B3GALT1: variants seen among roughly 807,000 people sequenced by gnomAD.
The protein encoded by B3GALT1 is UDP-Gal:betaGlcNAc beta 1,3-galactosyltransferase, polypeptide 1.
Under a neutral mutation model 23.2 loss-of-function variants are expected in B3GALT1, and 10 were observed. The observed-to-expected ratio is 0.43, with a 90% CI of 0.27 to 0.73. B3GALT1 has a LOEUF of 0.73. Ranked by LOEUF, B3GALT1 falls within the 30% of genes least tolerant of loss-of-function variation. The pLI, the probability that B3GALT1 is intolerant of heterozygous loss-of-function variation, is 0.21. For missense variants in B3GALT1, 299 were observed against 405.4 expected (o/e 0.74, Z 2.25); for synonymous variants, 156 against 141.5 (o/e 1.10, Z -0.73).
intron 3 of B3GALT1, among the ~76,000 whole-genome samples, chr2:167,763,799 C>G (rs1284119966): frequency 1.3e-5 from 2 of 151,122 alleles, no homozygotes; most frequent in East Asian, 3.9e-4. Flanking sequence ...CTGGAATCAT[C>G]TCTAGCCTGT....
intron 2 of B3GALT1, among the ~76,000 whole-genome samples, chr2:167,602,075 A>G (rs1684887014): frequency 6.6e-6 from 1 of 152,210 alleles, no homozygotes; most frequent in African/African-American, 2.4e-5. Context: ...TAGGTGCTCT[A>G]ACCACAATTT....
At chr2:167,485,074 C>T (rs1006170553) in intron 1 of B3GALT1, among the ~76,000 whole-genome samples, 4 of 152,048 alleles carry the variant, frequency 2.6e-5, no homozygotes, top group Non-Finnish European at 5.9e-5. Flanking sequence ...ATGTCCAACC[C>T]CCACTTCCCA....
chr2:167,589,444 T>C (rs1684637726), intron 2 of B3GALT1, among the ~76,000 whole-genome samples: 1 of 152,162 alleles, frequency 6.6e-6, no homozygotes, highest in Admixed American at 6.5e-5. Context: ...TAATTATTCT[T>C]ACTTTCAAAT....
intron 3 of B3GALT1, among the ~76,000 whole-genome samples, chr2:167,806,869 A>T (rs190372822): frequency 1.1e-3 from 175 of 152,186 alleles, no homozygotes; most frequent in Middle Eastern, 3.4e-3. Flanking sequence ...TCTATTGATT[A>T]GAATAGTTTC....
chr2:167,826,659 C>T (rs1340239814), intron 4 of B3GALT1, among the ~76,000 whole-genome samples: 3 of 152,160 alleles, frequency 2.0e-5, no homozygotes, highest in Non-Finnish European at 4.4e-5. Context: ...GTTTATGGCA[C>T]ATATGAATCA....
intron 3 of B3GALT1, among the ~76,000 whole-genome samples, chr2:167,809,655 A>C (rs1688835630): frequency 6.6e-6 from 1 of 152,200 alleles, no homozygotes; most frequent in Admixed American, 6.5e-5. Flanking sequence ...GTTTTGTCTC[A>C]GAGGAGTACC....
chr2:167,364,871 T>C (rs1363848724), intron 1 of B3GALT1, among the ~76,000 whole-genome samples: 2 of 152,122 alleles, frequency 1.3e-5, no homozygotes, highest in Non-Finnish European at 2.9e-5. Context: ...AAAATATACA[T>C]GAGATCCTCC....
chr2:167,364,124 A>G (rs1449522807), intron 1 of B3GALT1, among the ~76,000 whole-genome samples: 1 of 136,666 alleles, frequency 7.3e-6, no homozygotes, highest in Non-Finnish European at 1.5e-5. Context: ...AGATTGTGCC[A>G]CTGCACTCCA....
At chr2:167,496,747 G>A (rs1180366705) in intron 2 of B3GALT1, among the ~76,000 whole-genome samples, 2 of 152,148 alleles carry the variant, frequency 1.3e-5, no homozygotes, top group African/African-American at 2.4e-5. Flanking sequence ...AGTCATGAAG[G>A]TAGAACCCTC....
At position 167,751,613 on chromosome 2, in the gene B3GALT1, T is replaced by C. The variant is rs533731205; in HGVS notation, c.-351-67059T>C. 9.2e-5 allele frequency among the ~76,000 whole-genome samples: 14 copies of C among 152,290 alleles called. No individual in the cohort carries two copies. The East Asian group carries it at 2.7e-3, about 29-fold the overall frequency. On this transcript the variant is annotated intron_variant, in intron 3 of 4. Coordinates refer to ENST00000392690, the MANE Select transcript of B3GALT1 (RefSeq NM_020981.4). ...AAAACAGTCAGTCCCAGCAGAGATA[T>C]TGGGCTGCCCACCAGGCACCACTTT...
At position 167,871,434 on chromosome 2, in the gene B3GALT1, A is replaced by G. The variant is rs937689406; in HGVS notation, c.*1414A>G. On this transcript the variant is annotated 3_prime_UTR_variant, in exon 5 of 5. Coordinates refer to ENST00000392690, the MANE Select transcript of B3GALT1 (RefSeq NM_020981.4). Reference sequence around the variant, plus strand: ...TAATATAAAATCTGCTGAAATAAAGATCAGCTGTGAACTATCACTGCACCT... The same window carrying G: ...TAATATAAAATCTGCTGAAATAAAGGTCAGCTGTGAACTATCACTGCACCT... 2 of 152,232 alleles carry G rather than the reference A, an allele frequency of 1.3e-5. No individual in the cohort carries two copies. Among genetic ancestry groups the G allele is most frequent in the Non-Finnish European group, 2.9e-5 (2 of 68,028 alleles). 9.4% of individuals were successfully genotyped at this position (152,232 alleles called of 1,614,324 possible).
At chr2:167,770,860 G>T (rs894317994) in intron 3 of B3GALT1, among the ~76,000 whole-genome samples, 1 of 152,130 alleles carries the variant, frequency 6.6e-6, no homozygotes, top group South Asian at 2.1e-4. Context: ...TGCCCAATTA[G>T]ATTTTTATTT....
chr2:167,524,497 A>G (rs1214133440), intron 2 of B3GALT1, among the ~76,000 whole-genome samples: 4 of 152,188 alleles, frequency 2.6e-5, no homozygotes, highest in Non-Finnish European at 5.9e-5. Context: ...AAACCTCTGA[A>G]TGTTTTGTAA....
At chr2:167,754,135 A>G (rs1687779735) in intron 3 of B3GALT1, among the ~76,000 whole-genome samples, 1 of 152,242 alleles carries the variant, frequency 6.6e-6, no homozygotes, top group African/African-American at 2.4e-5. Flanking sequence ...TTAAGAATAG[A>G]TTCCAGGGCA....
chr2:167,303,766 T>C (rs1289597382), intron 1 of B3GALT1, among the ~76,000 whole-genome samples: 2 of 151,938 alleles, frequency 1.3e-5, no homozygotes, highest in East Asian at 1.9e-4. Flanking sequence ...CCTCAGGATA[T>C]TGAGCACTAT....
intron 2 of B3GALT1, among the ~76,000 whole-genome samples, chr2:167,506,526 T>C (rs1699920752): frequency 6.6e-6 from 1 of 152,142 alleles, no homozygotes; most frequent in Non-Finnish European, 1.5e-5. Flanking sequence ...ACTTTAAACT[T>C]TGTGGGGTGA....
chr2:167,635,704 A>G (rs1574181684), intron 2 of B3GALT1, among the ~76,000 whole-genome samples: 1 of 152,190 alleles, frequency 6.6e-6, no homozygotes, highest in African/African-American at 2.4e-5. Context: ...GAGGACACAA[A>G]CAAATGGAAA....
chr2:167,349,433 G>A (rs1327996422), intron 1 of B3GALT1, among the ~76,000 whole-genome samples: 2 of 152,012 alleles, frequency 1.3e-5, no homozygotes, highest in African/African-American at 2.4e-5. Context: ...CTGGCAATTC[G>A]GATATGCCAA....
chr2:167,462,841 C>G (rs1699281517), intron 1 of B3GALT1, among the ~76,000 whole-genome samples: 1 of 152,106 alleles, frequency 6.6e-6, no homozygotes, highest in Non-Finnish European at 1.5e-5. Flanking sequence ...CCCATTCTGT[C>G]TGCATTTTAT....
Sources: gnomAD v4.1 joint callset for allele counts (sites outside exome capture counted in the v4.1 genomes callset) on GRCh38, gnomAD v4.1.1 for gene constraint, MANE v1.5 for transcripts, NCBI Gene and HGNC (gene_info 2026-07-23, HGNC 2026-07-21) for gene names.